WWOX: variants seen among roughly 807,000 people sequenced by gnomAD.
WWOX encodes the protein WW domain-containing oxidoreductase.
Under a neutral mutation model 46.2 loss-of-function variants are expected in WWOX, and 69 were observed. The ratio of observed to expected loss-of-function variants is 1.49; its 90% CI spans 1.23 to 1.82. The LOEUF (loss-of-function observed/expected upper bound fraction) is 1.82, where lower values mean the gene tolerates loss of function less well. WWOX is among the 40% of genes most tolerant of loss of function. The pLI, the probability that WWOX is intolerant of heterozygous loss-of-function variation, is 0.00. For missense variants in WWOX, 919 were observed against 542.6 expected (o/e 1.69, Z -6.89); for synonymous variants, 359 against 202.6 (o/e 1.77, Z -6.56).
At chr16:78,537,936 G>A (rs916723243) in intron 8 of WWOX, among the ~76,000 whole-genome samples, 1 of 151,956 alleles carries the variant, frequency 6.6e-6, no homozygotes, top group Non-Finnish European at 1.5e-5. Flanking sequence ...CAGCAGCCCC[G>A]GCCTATCTCT....
At chr16:78,331,421 A>G (rs983483890) in intron 5 of WWOX, among the ~76,000 whole-genome samples, 1 of 152,252 alleles carries the variant, frequency 6.6e-6, no homozygotes, top group Admixed American at 6.5e-5. Flanking sequence ...TCTAATACAG[A>G]TTACTTCATG....
chr16:78,859,036 ATATATATATATATG>A (rs1351176308), intron 8 of WWOX, among the ~76,000 whole-genome samples: 491 of 24,634 alleles, frequency 0.02, 8 homozygotes, highest in Middle Eastern at 0.083. Context: ...AAATATATAT[ATATATATATATATG>A]TATATATATA....
chr16:78,584,734 T>A (rs1953448119), intron 8 of WWOX, among the ~76,000 whole-genome samples: 1 of 152,168 alleles, frequency 6.6e-6, no homozygotes, highest in African/African-American at 2.4e-5. Context: ...GGGGTGGTGA[T>A]CTTAAAGGGG....
At chr16:78,430,490 G>A (rs1197302173) in intron 7 of WWOX, among the ~76,000 whole-genome samples, 1 of 152,158 alleles carries the variant, frequency 6.6e-6, no homozygotes, top group East Asian at 1.9e-4. Flanking sequence ...CTCCATGAGT[G>A]TCCACTGGGG....
chr16:79,031,480 A>G (rs1214720156), intron 8 of WWOX, among the ~76,000 whole-genome samples: 1 of 152,062 alleles, frequency 6.6e-6, no homozygotes, highest in Non-Finnish European at 1.5e-5. Flanking sequence ...ATGTTAATGT[A>G]ATTCTTATGA....
At chr16:79,074,379 A>G (rs2048611247) in intron 8 of WWOX, among the ~76,000 whole-genome samples, 1 of 139,792 alleles carries the variant, frequency 7.2e-6, no homozygotes, top group Non-Finnish European at 1.5e-5. Flanking sequence ...CTCAAAGCCG[A>G]ATCTCATCCT....
At chr16:79,008,584 T>A (rs62040075) in intron 8 of WWOX, among the ~76,000 whole-genome samples, 2,971 of 152,270 alleles carry the variant, frequency 0.02, 58 homozygotes, top group Non-Finnish European at 0.031. Context: ...TTCACAGATG[T>A]TGAAACTGAG....
At chr16:78,737,955 C>T (rs1461980264) in intron 8 of WWOX, among the ~76,000 whole-genome samples, 2 of 152,080 alleles carry the variant, frequency 1.3e-5, no homozygotes, top group Non-Finnish European at 1.5e-5. Flanking sequence ...TTTCCCCATC[C>T]CAAGAGAAAG....
chr16:78,583,271 C>A (rs74566711), intron 8 of WWOX, among the ~76,000 whole-genome samples: 2,313 of 152,260 alleles, frequency 0.015, 58 homozygotes, highest in African/African-American at 0.053. Context: ...ACAACTGATT[C>A]TCTTGGCCCT....
chr16:79,153,594 C>T (rs183859512), intron 8 of WWOX, among the ~76,000 whole-genome samples: 1 of 152,152 alleles, frequency 6.6e-6, no homozygotes, highest in Non-Finnish European at 1.5e-5. Flanking sequence ...AATCAGTTGC[C>T]TGTCCAAAAA....
chr16:78,789,734 C>G (rs530818283), intron 8 of WWOX, among the ~76,000 whole-genome samples: 1 of 152,304 alleles, frequency 6.6e-6, no homozygotes, highest in South Asian at 2.1e-4. Flanking sequence ...GTCATCAGCT[C>G]TTGTGAGCCA....
chr16:78,720,946 CA>C (rs765856583), intron 8 of WWOX, among the ~76,000 whole-genome samples: 8 of 152,112 alleles, frequency 5.3e-5, no homozygotes, highest in Non-Finnish European at 1.0e-4. Flanking sequence ...ACTTCTCCAT[CA>C]TCAGGGGAGC....
chr16:78,963,066 A>G (rs1354031413), intron 8 of WWOX, among the ~76,000 whole-genome samples: 2 of 152,070 alleles, frequency 1.3e-5, no homozygotes, highest in Non-Finnish European at 2.9e-5. Flanking sequence ...TACTGTAAGT[A>G]CTCTGATATG....
chr16:78,422,722 T>TATATATACACACAC (rs1567563384), intron 6 of WWOX, among the ~76,000 whole-genome samples: 2 of 87,350 alleles, frequency 2.3e-5, no homozygotes, highest in African/African-American at 9.5e-5. Flanking sequence ...CACACACACA[T>TATATATACACACAC]ATATATATAC....
intron 8 of WWOX, among the ~76,000 whole-genome samples, chr16:78,782,001 C>T (rs956121131): frequency 6.6e-6 from 1 of 152,156 alleles, no homozygotes; most frequent in African/African-American, 2.4e-5. Flanking sequence ...CAATTTGGTT[C>T]CAAAACCTGC....
At chr16:78,857,368 G>A (rs1025169731) in intron 8 of WWOX, among the ~76,000 whole-genome samples, 1 of 152,154 alleles carries the variant, frequency 6.6e-6, no homozygotes, top group Non-Finnish European at 1.5e-5. Context: ...TTCCATGTTG[G>A]TGAGCATGTA....
intron 8 of WWOX, among the ~76,000 whole-genome samples, chr16:78,789,266 C>CT (rs1228487574): frequency 1.3e-5 from 2 of 152,088 alleles, no homozygotes; most frequent in Non-Finnish European, 2.9e-5. Flanking sequence ...TCTTCTCAGA[C>CT]TTTTATAGTT....
At chr16:78,660,120 C>T (rs752224416) in intron 8 of WWOX, among the ~76,000 whole-genome samples, 1 of 152,178 alleles carries the variant, frequency 6.6e-6, no homozygotes, top group East Asian at 1.9e-4. Context: ...TTTTTGGATC[C>T]TCTGTTTCAG....
At chr16:79,163,300 T>C (rs570925796) in intron 8 of WWOX, among the ~76,000 whole-genome samples, 1 of 152,244 alleles carries the variant, frequency 6.6e-6, no homozygotes, top group East Asian at 1.9e-4. Flanking sequence ...ATCCAAGCAT[T>C]GAAAACTGCG....
Sources: allele counts gnomAD v4.1 joint callset (sites outside exome capture counted in the v4.1 genomes callset), GRCh38; gene constraint gnomAD v4.1.1; transcripts MANE v1.5; gene names NCBI Gene and HGNC (gene_info 2026-07-23, HGNC 2026-07-21).